The following SP140 variants were observed in gnomAD, a reference collection of about 807,000 sequenced individuals.
The protein encoded by SP140 is nuclear body protein SP140.
In SP140, 81 loss-of-function variants were observed where a neutral mutation model predicts 125.0. The observed-to-expected ratio is 0.65, with a 90% CI of 0.54 to 0.78. The LOEUF is 0.78. Ranked by LOEUF, SP140 falls within the 30% of genes least tolerant of loss-of-function variation. The pLI is 0.00. For synonymous variants in SP140, 312 were observed against 354.0 expected (o/e 0.88, Z 1.33); for missense variants, 858 against 1,037.0 (o/e 0.83, Z 2.37).
At chr2:230,262,612 G>T (rs990526169) in intron 12 of SP140, among the ~76,000 whole-genome samples, 1 of 152,096 alleles carries the variant, frequency 6.6e-6, no homozygotes, top group Admixed American at 6.6e-5. Flanking sequence ...TCTTAGCACC[G>T]CCTTTGCTCT....
intron 12 of SP140, among the ~76,000 whole-genome samples, chr2:230,267,331 A>G (rs1348935463): frequency 1.3e-5 from 2 of 152,240 alleles, no homozygotes; most frequent in African/African-American, 4.8e-5. Context: ...AGAATTTTCC[A>G]GGACTTCTAA....
At chr2:230,224,260 G>A (rs909317674), upstream of SP140, among the ~76,000 whole-genome samples, 1 of 152,158 alleles carries the variant, frequency 6.6e-6, no homozygotes, top group African/African-American at 2.4e-5. Flanking sequence ...CCAGTTCATT[G>A]GTGTCCTGGG....
chr2:230,258,823 A>G (rs2051695346), intron 12 of SP140, among the ~76,000 whole-genome samples: 7 of 152,194 alleles, frequency 4.6e-5, no homozygotes. Context: ...TTATTTTCAC[A>G]TTGAAAATCA....
chr2:230,292,609 A>C, intron 19 of SP140, 37 bp from the exon 20 acceptor site: 1 of 1,613,524 alleles, frequency 6.2e-7, no homozygotes. Context: ...CGCTGGGAAA[A>C]AAGAGGGCTC....
intron 22 of SP140, among the ~76,000 whole-genome samples, chr2:230,308,416 C>T (rs548575699): frequency 6.6e-4 from 100 of 152,098 alleles, no homozygotes; most frequent in Non-Finnish European, 1.1e-3. Flanking sequence ...ATTAAGGATT[C>T]GACATACTTA....
upstream of SP140, chr2:230,225,416 C>T (rs2046203545): frequency 3.4e-6 from 1 of 296,714 alleles, no homozygotes; most frequent in Non-Finnish European, 6.6e-6. Context: ...GGTGCATGGC[C>T]AGCCCTGGAG....
In SP140 at chr2:230,312,922, T is replaced by A; in HGVS notation, c.*238T>A. On this transcript the variant is annotated 3_prime_UTR_variant, in exon 27 of 27. Transcript: ENST00000392045. Reference sequence around the variant, plus strand: ...TAAGTGGGATCACAGGGAAGGATGTTGGCAGCGACACCATCCCATACAGGC... The same window carrying A: ...TAAGTGGGATCACAGGGAAGGATGTAGGCAGCGACACCATCCCATACAGGC... 2.5e-6 allele frequency: 1 copy of A among 399,918 alleles called. No individual in the cohort carries two copies. Among genetic ancestry groups the A allele is most frequent in the Non-Finnish European group, 4.6e-6 (1 of 219,566 alleles). The allele number at this position is 399,918 out of a possible 1,614,324, so 24.8% of individuals were successfully genotyped here.
chr2:230,261,919 T>C (rs1463622106), intron 12 of SP140, among the ~76,000 whole-genome samples: 6 of 152,198 alleles, frequency 3.9e-5, no homozygotes, highest in African/African-American at 1.2e-4. Flanking sequence ...GTTTTCTTTT[T>C]TGGCTATGTC....
rs777801069 is a variant in SP140, at chr2:230,292,605, G to GA, written c.1826-35dup. 6 of 1,613,278 alleles carry GA rather than the reference G, an allele frequency of 3.7e-6. No individual in the cohort carries two copies. In the South Asian group the frequency reaches 6.6e-5, roughly 18 times the overall value. ...TGAGTGGCCATAGTCTGTGCGCTGG[G>GA]AAAAAAGAGGGCTCAGGATCAAGTT... On this transcript the variant is annotated intron_variant, in intron 19 of 26. Coordinates refer to ENST00000392045, the MANE Select transcript of SP140 (RefSeq NM_007237.5).
At chr2:230,208,916 G>T (rs1408546657) in intron 1 of SP140, among the ~76,000 whole-genome samples, 1 of 152,182 alleles carries the variant, frequency 6.6e-6, no homozygotes, top group Non-Finnish European at 1.5e-5. Flanking sequence ...TGGACTGTGA[G>T]TTAGTGTCAA....
downstream of SP140, among the ~76,000 whole-genome samples, chr2:230,316,349 G>A (rs1489528199): frequency 1.3e-5 from 2 of 152,134 alleles, no homozygotes; most frequent in Admixed American, 6.5e-5. Context: ...CTCCTACCAC[G>A]AAGAAACTCA....
intron 1 of SP140, among the ~76,000 whole-genome samples, chr2:230,204,375 G>T (rs2043521112): frequency 6.6e-6 from 1 of 152,172 alleles, no homozygotes; most frequent in African/African-American, 2.4e-5. Context: ...TCACTACTGG[G>T]CTGCTGGCCA....
At chr2:230,231,186 T>C (rs1471787663) in intron 1 of SP140, among the ~76,000 whole-genome samples, 2 of 152,250 alleles carry the variant, frequency 1.3e-5, no homozygotes, top group African/African-American at 4.8e-5. Flanking sequence ...TTAGAGCCCT[T>C]AACATATTAA....
upstream of SP140, among the ~76,000 whole-genome samples, chr2:230,199,160 T>A (rs1217459840): frequency 2.0e-5 from 3 of 148,350 alleles, no homozygotes; most frequent in East Asian, 2.0e-4. Flanking sequence ...TTTTTTTTTT[T>A]TTTAGTGGGG....
chr2:230,221,787 AT>A, upstream of SP140: 1 of 1,428,038 alleles, frequency 7.0e-7, no homozygotes, highest in East Asian at 2.5e-5. Flanking sequence ...CTTTAGATCT[AT>A]TCAGAGATAC....
At chr2:230,188,993 A>C in the SP140 span, among the ~76,000 whole-genome samples, 1 of 152,122 alleles carries the variant, frequency 6.6e-6, no homozygotes, top group Admixed American at 6.6e-5. Context: ...TTTTGTGCAT[A>C]GAGGTGTTCA....
At chr2:230,196,698 G>A in the SP140 span, among the ~76,000 whole-genome samples, 1 of 147,122 alleles carries the variant, frequency 6.8e-6, no homozygotes, top group Non-Finnish European at 1.5e-5. Context: ...CCTCCTCCCC[G>A]CACCCCACAA....
At chr2:230,274,669 T>G (rs1215511924) in intron 15 of SP140, among the ~76,000 whole-genome samples, 1 of 152,138 alleles carries the variant, frequency 6.6e-6, no homozygotes, top group African/African-American at 2.4e-5. Flanking sequence ...CAGCAATACC[T>G]TTTGTAAGAC....
the SP140 span, among the ~76,000 whole-genome samples, chr2:230,189,446 A>G: frequency 6.6e-6 from 1 of 152,192 alleles, no homozygotes; most frequent in Non-Finnish European, 1.5e-5. Context: ...TAACCCATAA[A>G]TCATTCAGGA....
Sources: allele counts gnomAD v4.1 joint callset (sites outside exome capture counted in the v4.1 genomes callset), GRCh38; gene constraint gnomAD v4.1.1; transcripts MANE v1.5; gene names NCBI Gene and HGNC (gene_info 2026-07-23, HGNC 2026-07-21).